Variants in CASTOR2 observed in about 807,000 individuals in gnomAD.
The protein encoded by CASTOR2 is cytosolic arginine sensor for mTORC1 subunit 2.
In CASTOR2, 8 loss-of-function variants were observed where a neutral mutation model predicts 31.2. The ratio of observed to expected loss-of-function variants is 0.26; its 90% CI spans 0.15 to 0.46. CASTOR2 has a LOEUF of 0.46. Among genes scored for constraint, CASTOR2 ranks in the 20% least tolerant of loss-of-function variants. The pLI is 0.99. For synonymous variants in CASTOR2, 162 were observed against 158.7 expected (o/e 1.02, Z -0.16); for missense variants, 216 against 382.1 (o/e 0.57, Z 3.62).
In CASTOR2 at chr7:75,029,749, G is replaced by A. The variant is rs1433958933; in HGVS notation, c.*5050G>A. Among the ~76,000 whole-genome samples, 1 of 152,198 alleles carries A rather than the reference G, an allele frequency of 6.6e-6. No homozygotes were observed. The highest frequency in any genetic ancestry group is 1.5e-5 in the Non-Finnish European group (1 of 68,040). On this transcript the variant is annotated 3_prime_UTR_variant, in exon 9 of 9. Coordinates refer to ENST00000616305, the MANE Select transcript of CASTOR2 (RefSeq NM_001145064.3). ...TCCGAGCAGGGCCTGGAGCATTGGA[G>A]ACATTGGTTAGTGTAATAGGCAGAG...
At chr7:75,018,145 T>A in intron 4 of CASTOR2, 23 bp downstream of exon 4, 1 of 1,612,204 alleles carries the variant, frequency 6.2e-7, no homozygotes, top group Non-Finnish European at 8.5e-7. Flanking sequence ...CGGGGGTTTG[T>A]GCAGGGGAAA....
intron 7 of CASTOR2, among the ~76,000 whole-genome samples, chr7:75,023,814 T>TA (rs1389284071): frequency 3.3e-5 from 5 of 152,176 alleles, no homozygotes; most frequent in African/African-American, 1.2e-4. Flanking sequence ...AGGATGAGGC[T>TA]AAACCATTCA....
In CASTOR2 at chr7:75,020,049, C is replaced by A; in HGVS notation, c.646C>A (p.Pro216Thr). 1 of 1,551,382 alleles carries A rather than the reference C, an allele frequency of 6.4e-7. No individual in the cohort carries two copies. The highest frequency in any genetic ancestry group is 1.2e-5 in the South Asian group (1 of 84,042). Residue 216 changes from proline to threonine, a missense_variant, in exon 6 of 9, where the codon CCC becomes ACC. By Grantham distance (38) the Pro-to-Thr change is conservative. Transcript: ENST00000616305. ...VMFYSNGVKD[P>T]MATGDDCGHI... Reference sequence around the variant, plus strand: ...GCCTCTGGTCCCCAGAGTGAAGGACCCCATGGCCACTGGGGATGACTGCGG... The same window carrying A: ...GCCTCTGGTCCCCAGAGTGAAGGACACCATGGCCACTGGGGATGACTGCGG...
intron 4 of CASTOR2, 50 bp from the exon 5 acceptor site, chr7:75,018,922 T>C: frequency 6.4e-7 from 1 of 1,551,684 alleles, no homozygotes; most frequent in Non-Finnish European, 8.7e-7. Context: ...CCACCAGAGC[T>C]GCTGCTTTCA....
intron 2 of CASTOR2, among the ~76,000 whole-genome samples, chr7:75,012,086 G>C (rs1441601049): frequency 6.6e-6 from 1 of 152,162 alleles, no homozygotes; most frequent in Non-Finnish European, 1.5e-5. Context: ...AGTAGGAAAT[G>C]CTCTCAAGGC....
chr7:74,991,509 G>A (rs1313125835), intron 1 of CASTOR2, among the ~76,000 whole-genome samples: 3 of 151,892 alleles, frequency 2.0e-5, no homozygotes, highest in African/African-American at 7.3e-5. Context: ...TACAAGGCTC[G>A]CCCAGAACTG....
At chr7:74,994,025 TGTGAG>T (rs1804277851) in intron 1 of CASTOR2, among the ~76,000 whole-genome samples, 1 of 152,170 alleles carries the variant, frequency 6.6e-6, no homozygotes, top group African/African-American at 2.4e-5. Flanking sequence ...AGAGGCCCCG[TGTGAG>T]GGCCTCACTC....
At chr7:74,990,412 A>G (rs1804180346) in intron 1 of CASTOR2, among the ~76,000 whole-genome samples, 1 of 151,568 alleles carries the variant, frequency 6.6e-6, no homozygotes, top group Admixed American at 6.6e-5. Context: ...AAAAAACAAC[A>G]ACAACAACAA....
intron 2 of CASTOR2, among the ~76,000 whole-genome samples, chr7:75,012,545 G>A (rs1160542948): frequency 6.6e-6 from 1 of 151,990 alleles, no homozygotes; most frequent in Non-Finnish European, 1.5e-5. Context: ...GACCTCAGAT[G>A]ATCCTCTTGC....
At chr7:75,019,979 G>A (rs1352955669) in intron 5 of CASTOR2, 60 bp from the exon 6 acceptor site, 2 of 1,497,150 alleles carry the variant, frequency 1.3e-6, no homozygotes, top group African/African-American at 1.4e-5. Flanking sequence ...TCCCTGGGCT[G>A]GTGTGAATGG....
intron 2 of CASTOR2, among the ~76,000 whole-genome samples, chr7:75,016,524 A>G (rs1161786354): frequency 6.6e-6 from 1 of 152,164 alleles, no homozygotes; most frequent in African/African-American, 2.4e-5. Context: ...CCCAATGTGC[A>G]GGGCTGGCTG....
chr7:75,020,224 C>T, intron 6 of CASTOR2, 75 bp downstream of exon 6: 2 of 1,297,470 alleles, frequency 1.5e-6, no homozygotes, highest in Non-Finnish European at 2.2e-6. Context: ...GATGGCACAT[C>T]ACCCACTTTG....
In CASTOR2 at chr7:75,025,019, C is replaced by A. The variant is rs1030838795; in HGVS notation, c.*320C>A. ...CCGCCTTCTCATCCGGCCTCACCCA[C>A]GGCCAGGGGCAGATGCCGAGGGAAG... On this transcript the variant is annotated 3_prime_UTR_variant, in exon 9 of 9. Coordinates refer to ENST00000616305, the MANE Select transcript of CASTOR2 (RefSeq NM_001145064.3). Among the ~76,000 whole-genome samples the A allele has an allele frequency of 2.0e-5, 3 of 152,256 alleles. No homozygotes were observed. The highest frequency in any genetic ancestry group is 4.4e-5 in the Non-Finnish European group (3 of 68,046).
Position 75,025,161 on chromosome 7 carries a change from G to A in CASTOR2, c.*462G>A, listed in dbSNP as rs1805093038. On this transcript the variant is annotated 3_prime_UTR_variant, in exon 9 of 9. Coordinates refer to ENST00000616305, the MANE Select transcript of CASTOR2 (RefSeq NM_001145064.3). Reference sequence around the variant, plus strand: ...GGAGGGTTTGGGGGTGAGTACTGTGGTCACTGGTCTCTGCTTCCATCAGCT... The same window carrying A: ...GGAGGGTTTGGGGGTGAGTACTGTGATCACTGGTCTCTGCTTCCATCAGCT... Among the ~76,000 whole-genome samples the A allele has an allele frequency of 1.3e-5, 2 of 152,216 alleles. No homozygotes were observed. The highest frequency in any genetic ancestry group is 4.8e-5 in the African/African-American group (2 of 41,464).
chr7:75,009,501 C>T (rs1464392169), intron 2 of CASTOR2, among the ~76,000 whole-genome samples: 1 of 151,944 alleles, frequency 6.6e-6, no homozygotes, highest in African/African-American at 2.4e-5. Flanking sequence ...ATCTCCTGAC[C>T]TCGTGATCCA....
intron 2 of CASTOR2, among the ~76,000 whole-genome samples, chr7:75,008,769 G>T (rs1183377474): frequency 6.6e-6 from 1 of 152,092 alleles, no homozygotes; most frequent in African/African-American, 2.4e-5. Flanking sequence ...CAGAATTCAA[G>T]CAACACTTGA....
chr7:74,973,371 T>C (rs1803727269), intron 1 of CASTOR2, among the ~76,000 whole-genome samples: 2 of 113,920 alleles, frequency 1.8e-5, no homozygotes, highest in Non-Finnish European at 1.8e-5. Context: ...GACAGAGTCT[T>C]GCTCTGTTGC....
At chr7:75,007,532 A>T (rs1378319996) in intron 1 of CASTOR2, among the ~76,000 whole-genome samples, 4 of 152,044 alleles carry the variant, frequency 2.6e-5, no homozygotes. Flanking sequence ...GGAATTAGGC[A>T]TTTTTATGAC....
At chr7:75,013,446 C>A (rs1804797779) in intron 2 of CASTOR2, among the ~76,000 whole-genome samples, 1 of 150,726 alleles carries the variant, frequency 6.6e-6, no homozygotes, top group Admixed American at 6.6e-5. Flanking sequence ...GGAGTTCAAG[C>A]AGGTTGGGCA....
Sources: allele counts gnomAD v4.1 joint callset (sites outside exome capture counted in the v4.1 genomes callset), GRCh38; gene constraint gnomAD v4.1.1; transcripts MANE v1.5; gene names NCBI Gene and HGNC (gene_info 2026-07-23, HGNC 2026-07-21).